The following MAPK10 variants were observed in gnomAD, a reference collection of about 807,000 sequenced individuals.
MAPK10 encodes mitogen-activated protein kinase 10, also known as JNK3 alpha protein kinase.
In MAPK10, 25 loss-of-function variants were observed where a neutral mutation model predicts 59.3. The observed-to-expected ratio is 0.42, with a 90% CI of 0.31 to 0.59. The LOEUF (loss-of-function observed/expected upper bound fraction) is 0.59, where lower values mean the gene tolerates loss of function less well. Among genes scored for constraint, MAPK10 ranks in the 20% least tolerant of loss-of-function variants. MAPK10 has a pLI of 0.15. For synonymous variants in MAPK10, 190 were observed against 200.5 expected (o/e 0.95, Z 0.44); for missense variants, 351 against 568.9 (o/e 0.62, Z 3.90).
chr4:86,329,814 C>G (rs1046281534), intron 2 of MAPK10, among the ~76,000 whole-genome samples: 1 of 147,836 alleles, frequency 6.8e-6, no homozygotes. Context: ...TTGGGAAAAC[C>G]CATCATATCT....
intron 1 of MAPK10, among the ~76,000 whole-genome samples, chr4:86,465,896 T>C (rs1033718961): frequency 2.0e-5 from 3 of 152,188 alleles, no homozygotes; most frequent in African/African-American, 7.2e-5. Flanking sequence ...CTGTCACAGA[T>C]GGCGGAAGAA....
At chr4:86,565,689 T>C (rs921766661) in intron 1 of MAPK10, among the ~76,000 whole-genome samples, 3 of 152,244 alleles carry the variant, frequency 2.0e-5, no homozygotes, top group Non-Finnish European at 2.9e-5. Context: ...AGCCCAGGAA[T>C]AGATTAGATT....
intron 4 of MAPK10, chr4:86,119,871 T>C (rs2058952718): frequency 6.6e-6 from 1 of 152,296 alleles, no homozygotes; most frequent in African/African-American, 2.4e-5. Flanking sequence ...TTCACCCCAA[T>C]TCAGGACAGC....
chr4:86,070,469 C>T (rs1327484261), intron 9 of MAPK10, among the ~76,000 whole-genome samples: 1 of 150,238 alleles, frequency 6.7e-6, no homozygotes, highest in African/African-American at 2.5e-5. Flanking sequence ...TATACATGTG[C>T]CATGCTGGTG....
In MAPK10 at chr4:86,135,634, C is replaced by A. The variant is rs1014301898; in HGVS notation, c.236+23664G>T. 2.0e-5 allele frequency among the ~76,000 whole-genome samples: 3 copies of A among 152,210 alleles called. No individual in the cohort carries two copies. The South Asian group carries it at 6.2e-4, about 32-fold the overall frequency. On this transcript the variant is annotated intron_variant, in intron 4 of 13. Transcript: ENST00000641462. ...AAACTCTAAAAAGCAGAGCGCCTCT[C>A]CTCCTCCAAAGGAACTCAGTTCCTC... is the stretch of plus-strand genomic sequence containing the variant.
chr4:86,333,649 T>C (rs556516734), intron 2 of MAPK10, among the ~76,000 whole-genome samples: 1 of 152,300 alleles, frequency 6.6e-6, no homozygotes, highest in Admixed American at 6.5e-5. Flanking sequence ...TCCAGTAGAA[T>C]ATACAGAAAA....
chr4:86,427,346 A>C (rs1159316230), intron 1 of MAPK10, among the ~76,000 whole-genome samples: 2 of 152,090 alleles, frequency 1.3e-5, no homozygotes, highest in Non-Finnish European at 2.9e-5. Context: ...CACTCTCTCA[A>C]CGATGCAACG....
intron 9 of MAPK10, among the ~76,000 whole-genome samples, chr4:86,073,854 A>G (rs1441098285): frequency 2.7e-5 from 3 of 110,080 alleles, no homozygotes; most frequent in African/African-American, 8.2e-5. Flanking sequence ...GTGGTGCTGA[A>G]AAAAATGTAT....
At chr4:86,500,475 C>T (rs991060415) in intron 1 of MAPK10, among the ~76,000 whole-genome samples, 4 of 152,134 alleles carry the variant, frequency 2.6e-5, no homozygotes, top group African/African-American at 9.7e-5. Context: ...AAATTTATTT[C>T]ACAAAGTGTT....
intron 2 of MAPK10, among the ~76,000 whole-genome samples, chr4:86,256,773 C>T (rs1255827542): frequency 1.7e-5 from 2 of 118,014 alleles, no homozygotes; most frequent in South Asian, 2.9e-4. Flanking sequence ...CAGAGTCTCT[C>T]TCTGTCGCCC....
At chr4:86,204,569 T>C (rs1485632409) in intron 2 of MAPK10, among the ~76,000 whole-genome samples, 1 of 151,854 alleles carries the variant, frequency 6.6e-6, no homozygotes, top group Admixed American at 6.6e-5. Flanking sequence ...AGCATACAAA[T>C]ATGAGAAATA....
intron 2 of MAPK10, among the ~76,000 whole-genome samples, chr4:86,262,595 T>C (rs1028971884): frequency 1.3e-5 from 2 of 152,194 alleles, no homozygotes; most frequent in Non-Finnish European, 2.9e-5. Context: ...ACGATAACCA[T>C]ATGCTTGACA....
chr4:86,279,322 C>G (rs1267083926), intron 2 of MAPK10, among the ~76,000 whole-genome samples: 1 of 151,996 alleles, frequency 6.6e-6, no homozygotes, highest in Non-Finnish European at 1.5e-5. Context: ...AGCCTCTGAT[C>G]ACTTATCTTA....
chr4:86,547,671 C>T (rs975880065), intron 1 of MAPK10, among the ~76,000 whole-genome samples: 5 of 152,224 alleles, frequency 3.3e-5, no homozygotes, highest in African/African-American at 1.2e-4. Flanking sequence ...CCTGCAGCCT[C>T]CATTCAGGAT....
intron 8 of MAPK10, chr4:86,100,764 C>T: frequency 4.0e-6 from 1 of 252,876 alleles, no homozygotes; most frequent in East Asian, 7.8e-5. Flanking sequence ...AATATCTAGG[C>T]ACGTGTGCTA....
At chr4:86,222,584 G>A (rs903852923) in intron 2 of MAPK10, among the ~76,000 whole-genome samples, 2 of 152,202 alleles carry the variant, frequency 1.3e-5, no homozygotes, top group African/African-American at 4.8e-5. Context: ...CAAAGACTAA[G>A]ACTTCATAAT....
At chr4:86,127,005 A>G (rs1288777467) in intron 4 of MAPK10, among the ~76,000 whole-genome samples, 1 of 151,704 alleles carries the variant, frequency 6.6e-6, no homozygotes, top group Non-Finnish European at 1.5e-5. Context: ...TCTGCATTAA[A>G]CCTCGCTTTC....
At chr4:86,366,132 TAAGAC>T (rs1227616570) in intron 1 of MAPK10, among the ~76,000 whole-genome samples, 1 of 151,834 alleles carries the variant, frequency 6.6e-6, no homozygotes, top group Non-Finnish European at 1.5e-5. Flanking sequence ...GAGTGAGAAA[TAAGAC>T]AAAAAAGAGT....
At chr4:86,346,349 A>G (rs1728182250) in intron 2 of MAPK10, among the ~76,000 whole-genome samples, 1 of 152,144 alleles carries the variant, frequency 6.6e-6, no homozygotes, top group Non-Finnish European at 1.5e-5. Flanking sequence ...CCTCCCATAT[A>G]CTTTGTCAAC....
Sources: allele counts gnomAD v4.1 joint callset (sites outside exome capture counted in the v4.1 genomes callset), GRCh38; gene constraint gnomAD v4.1.1; transcripts MANE v1.5; gene names NCBI Gene and HGNC (gene_info 2026-07-23, HGNC 2026-07-21).